ASF1B: variants seen among roughly 807,000 people sequenced by gnomAD.
ASF1B encodes the protein histone chaperone ASF1B.
ASF1B carries 10 observed loss-of-function variants against 16.6 expected under a neutral mutation model. The ratio of observed to expected loss-of-function variants is 0.60; its 90% CI spans 0.37 to 1.02. The LOEUF is 1.02. Ranked by LOEUF, ASF1B falls within the 50% of genes least tolerant of loss-of-function variation. The pLI, the probability that ASF1B is intolerant of heterozygous loss-of-function variation, is 0.01. For missense variants in ASF1B, 240 were observed against 266.0 expected (o/e 0.90, Z 0.68); for synonymous variants, 101 against 106.2 (o/e 0.95, Z 0.30).
At chr19:14,127,891 G>A (rs375633790) in intron 1 of ASF1B, among the ~76,000 whole-genome samples, 3 of 152,238 alleles carry the variant, frequency 2.0e-5, no homozygotes, top group East Asian at 1.9e-4. Flanking sequence ...ATCCGCCTCC[G>A]CCTCCCAAAG....
chr19:14,121,296 TGCGGGG>T, intron 3 of ASF1B: 1 of 403,842 alleles, frequency 2.5e-6, no homozygotes. Flanking sequence ...TTTTTTTTTT[TGCGGGG>T]GTTAGGGACA....
chr19:14,133,439 G>A (rs187614540), intron 1 of ASF1B, among the ~76,000 whole-genome samples: 6 of 152,148 alleles, frequency 3.9e-5, no homozygotes, highest in Admixed American at 1.3e-4. Flanking sequence ...AGGCTGAGGC[G>A]GGCGGATCAC....
At chr19:14,126,366 G>A in intron 1 of ASF1B, 129 bp from the exon 2 acceptor site, 1 of 632,474 alleles carries the variant, frequency 1.6e-6, no homozygotes, top group South Asian at 1.8e-5. Context: ...ATACAGTGAT[G>A]CGATCTCAGC....
chr19:14,120,540 G>A lies in ASF1B; in HGVS notation c.528C>T (p.Leu176=). The change falls in exon 4 of 4, where the codon CTC becomes CTT. Residue 176 remains leucine (L), a synonymous_variant. Coordinates refer to ENST00000263382, the MANE Select transcript of ASF1B (RefSeq NM_018154.3). ...QDPSLGCGLP[L]NCTPIKGLGL... ...CCAAGCCCTTGATAGGAGTGCAGTT[G>A]AGTGGGAGGCCGCAGCCCAGGGAGG... The A allele has an allele frequency of 6.2e-7, 1 of 1,613,698 alleles. No homozygotes were observed. The highest frequency in any genetic ancestry group is 1.3e-5 in the African/African-American group (1 of 75,046).
In ASF1B at chr19:14,136,106, G is replaced by T. The variant is rs563939342; in HGVS notation, c.109+242C>A. Among the ~76,000 whole-genome samples, 28 of 150,424 alleles carry T rather than the reference G, an allele frequency of 1.9e-4. No individual in the cohort carries two copies. In the East Asian group the frequency reaches 4.3e-3, roughly 23 times the overall value. On this transcript the variant is annotated intron_variant, in intron 1 of 3. Coordinates refer to ENST00000263382, the MANE Select transcript of ASF1B (RefSeq NM_018154.3). ...GGAGGTCCGAGTTAGCTGGCGGGGG[G>T]TCTCCACCCGGGAGGTCAAGGCGGG...
chr19:14,132,828 C>A (rs117996298), intron 1 of ASF1B, among the ~76,000 whole-genome samples: 1,508 of 149,714 alleles, frequency 0.01, 30 homozygotes, highest in African/African-American at 0.027. Context: ...TAATAATAAT[C>A]ATCATCATCA....
chr19:14,122,876 C>T (rs1235273010), intron 2 of ASF1B, among the ~76,000 whole-genome samples: 2 of 152,136 alleles, frequency 1.3e-5, no homozygotes, highest in African/African-American at 4.8e-5. Context: ...TTAAGTGCCA[C>T]ATCACTCTTG....
intron 1 of ASF1B, among the ~76,000 whole-genome samples, chr19:14,126,861 C>T (rs530502418): frequency 6.6e-6 from 1 of 152,338 alleles, no homozygotes; most frequent in Non-Finnish European, 1.5e-5. Flanking sequence ...CCCGCCTCAG[C>T]CTTCCAAACT....
intron 1 of ASF1B, among the ~76,000 whole-genome samples, chr19:14,127,548 AC>A (rs1967337076): frequency 1.3e-5 from 2 of 152,060 alleles, no homozygotes; most frequent in South Asian, 4.1e-4. Flanking sequence ...GGAGCCAGCC[AC>A]CCTGGTCTTC....
At position 14,136,492 on chromosome 19, in the gene ASF1B, C is replaced by T; in HGVS notation, c.-36G>A. On this transcript the variant is annotated 5_prime_UTR_variant, in exon 1 of 4. Transcript: ENST00000263382. ...CGCCGCGCCGCAGCAGGGGCAGGGG[C>T]TGTGGCTGTGGCGGAGGCCGCGCCT... 6.3e-7 allele frequency: 1 copy of T among 1,593,642 alleles called. No homozygotes were observed. The highest frequency in any genetic ancestry group is 8.6e-7 in the Non-Finnish European group (1 of 1,166,234).
chr19:14,127,538 G>C (rs1967336995), intron 1 of ASF1B, among the ~76,000 whole-genome samples: 1 of 152,182 alleles, frequency 6.6e-6, no homozygotes, highest in Non-Finnish European at 1.5e-5. Context: ...GGTTGCTCAG[G>C]GAGCCAGCCA....
At chr19:14,132,902 C>A (rs145391075) in intron 1 of ASF1B, among the ~76,000 whole-genome samples, 2 of 151,762 alleles carry the variant, frequency 1.3e-5, no homozygotes, top group East Asian at 3.9e-4. Context: ...GGGCGGATCA[C>A]AAGGTCAGGA....
intron 1 of ASF1B, among the ~76,000 whole-genome samples, chr19:14,132,989 G>A (rs1192598486): frequency 6.6e-6 from 1 of 151,674 alleles, no homozygotes; most frequent in Non-Finnish European, 1.5e-5. Context: ...GCATGGTTTC[G>A]GGCGCCTGTA....
intron 1 of ASF1B, among the ~76,000 whole-genome samples, chr19:14,135,090 G>C (rs2144522367): frequency 6.6e-6 from 1 of 152,108 alleles, no homozygotes; most frequent in South Asian, 2.1e-4. Context: ...TGGGCGTGGT[G>C]ACAGGCGCCT....
chr19:14,135,758 G>A (rs898999832), intron 1 of ASF1B, among the ~76,000 whole-genome samples: 9 of 152,008 alleles, frequency 5.9e-5, no homozygotes, highest in African/African-American at 1.9e-4. Context: ...GATTTCCCCC[G>A]GGGAAAATGG....
chr19:14,136,268 A>T, intron 1 of ASF1B, 80 bp downstream of exon 1: 1 of 1,187,106 alleles, frequency 8.4e-7, no homozygotes, highest in Non-Finnish European at 1.2e-6. Context: ...GGGGAGATCA[A>T]GTTGGCCATG....
intron 1 of ASF1B, among the ~76,000 whole-genome samples, chr19:14,126,751 T>C (rs1048809996): frequency 6.6e-6 from 1 of 151,984 alleles, no homozygotes; most frequent in Non-Finnish European, 1.5e-5. Flanking sequence ...GGATGACAGG[T>C]GTGAGCCACT....
chr19:14,134,519 C>A (rs906972799), intron 1 of ASF1B, among the ~76,000 whole-genome samples: 1 of 152,008 alleles, frequency 6.6e-6, no homozygotes, highest in Non-Finnish European at 1.5e-5. Flanking sequence ...CAGATCACCA[C>A]CTCCTCGGCT....
At chr19:14,133,713 G>A (rs1304308688) in intron 1 of ASF1B, among the ~76,000 whole-genome samples, 3 of 151,778 alleles carry the variant, frequency 2.0e-5, no homozygotes, top group Non-Finnish European at 2.9e-5. Flanking sequence ...TAGCCCTTCC[G>A]GCTCTAATTC....
Sources: allele counts gnomAD v4.1 joint callset (sites outside exome capture counted in the v4.1 genomes callset), GRCh38; gene constraint gnomAD v4.1.1; transcripts MANE v1.5; gene names NCBI Gene and HGNC (gene_info 2026-07-23, HGNC 2026-07-21).